The following CACNA1E variants were observed in gnomAD, a reference collection of about 807,000 sequenced individuals.
The protein encoded by CACNA1E is voltage-dependent R-type calcium channel subunit alpha-1E.
A neutral mutation model predicts 259.2 loss-of-function variants in CACNA1E; 40 were observed. The ratio of observed to expected loss-of-function variants is 0.15; its 90% CI spans 0.12 to 0.20. The LOEUF is 0.20. Ranked by LOEUF, CACNA1E falls within the 10% of genes least tolerant of loss-of-function variation. The pLI is 1.00. For missense variants in CACNA1E, 1,874 were observed against 3,040.1 expected (o/e 0.62, Z 9.02); for synonymous variants, 1,104 against 1,138.5 (o/e 0.97, Z 0.61).
At chr1:181,688,532 T>C (rs1650811943) in intron 7 of CACNA1E, among the ~76,000 whole-genome samples, 1 of 152,226 alleles carries the variant, frequency 6.6e-6, no homozygotes, top group Admixed American at 6.5e-5. Flanking sequence ...TTTTAAGTTA[T>C]AATTGACAAA....
intron 25 of CACNA1E, among the ~76,000 whole-genome samples, chr1:181,747,450 A>ATTTTT (rs60393528): frequency 1.6e-5 from 2 of 122,872 alleles, no homozygotes; most frequent in African/African-American, 6.4e-5. Flanking sequence ...AAAATCTGTC[A>ATTTTT]TTTTTTTTTT....
At chr1:181,498,754 G>A (rs1664996945) in intron 1 of CACNA1E, among the ~76,000 whole-genome samples, 1 of 152,180 alleles carries the variant, frequency 6.6e-6, no homozygotes, top group Non-Finnish European at 1.5e-5. Context: ...AGAACCCAGG[G>A]CCGCGACCAA....
At chr1:181,508,649 G>A (rs1389773546) in intron 1 of CACNA1E, among the ~76,000 whole-genome samples, 1 of 152,164 alleles carries the variant, frequency 6.6e-6, no homozygotes, top group Non-Finnish European at 1.5e-5. Flanking sequence ...CTCCTCCTGC[G>A]ATCAGTGGGC....
intron 2 of CACNA1E, among the ~76,000 whole-genome samples, chr1:181,419,246 T>C (rs1185263561): frequency 6.6e-6 from 1 of 152,250 alleles, no homozygotes; most frequent in Admixed American, 6.5e-5. Flanking sequence ...TAAAGATGCA[T>C]GAATGTCTTT....
intron 2 of CACNA1E, among the ~76,000 whole-genome samples, chr1:181,453,768 T>C (rs1452312399): frequency 6.6e-6 from 1 of 152,184 alleles, no homozygotes; most frequent in African/African-American, 2.4e-5. Context: ...TGGTTGATGA[T>C]AGAGAGCTGT....
chr1:181,389,478 A>G (rs1176342750), intron 1 of CACNA1E, among the ~76,000 whole-genome samples: 2 of 152,216 alleles, frequency 1.3e-5, no homozygotes, highest in Non-Finnish European at 2.9e-5. Context: ...AACGTTAGTG[A>G]CTAGACTAGT....
At chr1:181,704,535 C>T (rs1007491260) in intron 7 of CACNA1E, among the ~76,000 whole-genome samples, 1 of 152,164 alleles carries the variant, frequency 6.6e-6, no homozygotes, top group African/African-American at 2.4e-5. Context: ...CTCTCTGAAA[C>T]ATGGACTCTG....
intron 1 of CACNA1E, among the ~76,000 whole-genome samples, chr1:181,336,960 A>C: frequency 6.7e-6 from 1 of 149,530 alleles, no homozygotes; most frequent in African/African-American, 2.4e-5. Flanking sequence ...AATGCAAAGA[A>C]AATTAAAATA....
chr1:181,651,162 G>T (rs1658723657), intron 6 of CACNA1E, among the ~76,000 whole-genome samples, 176 bp from the exon 7 acceptor site: 1 of 152,168 alleles, frequency 6.6e-6, no homozygotes, highest in Non-Finnish European at 1.5e-5. Context: ...TCTTCATTAC[G>T]TACATGGGAG....
intron 6 of CACNA1E, among the ~76,000 whole-genome samples, chr1:181,605,981 A>T (rs575070263): frequency 6.6e-6 from 1 of 152,140 alleles, no homozygotes; most frequent in Admixed American, 6.5e-5. Context: ...TCTCAGTGGC[A>T]TTCAACACGG....
intron 38 of CACNA1E, among the ~76,000 whole-genome samples, chr1:181,780,884 C>T (rs1040903873): frequency 3.3e-5 from 5 of 152,198 alleles, no homozygotes; most frequent in African/African-American, 4.8e-5. Flanking sequence ...GGGGGATACA[C>T]GACGTTCTGC....
At chr1:181,463,465 T>C (rs890191787) in intron 2 of CACNA1E, among the ~76,000 whole-genome samples, 1 of 152,134 alleles carries the variant, frequency 6.6e-6, no homozygotes, top group Admixed American at 6.5e-5. Context: ...CTATATATCT[T>C]CAACATCACT....
Position 181,618,821 on chromosome 1 carries a change from A to G in CACNA1E, c.952-32517A>G, listed in dbSNP as rs530588792. Among the ~76,000 whole-genome samples the G allele has an allele frequency of 4.6e-5, 7 of 152,330 alleles. No homozygotes were observed. In the East Asian group the frequency reaches 9.6e-4, roughly 21 times the overall value. ...GTGCTCAATAAATATTTGCTGAGTA[A>G]ACACCAAATATATACCTACAGCTGC... On this transcript the variant is annotated intron_variant, in intron 6 of 47. Transcript: ENST00000367573.
chr1:181,399,430 T>C (rs1412308300), intron 1 of CACNA1E, among the ~76,000 whole-genome samples: 4 of 152,252 alleles, frequency 2.6e-5, no homozygotes, highest in African/African-American at 9.6e-5. Context: ...GTGAATGAAT[T>C]GTGTTTACTT....
chr1:181,682,229 A>G (rs1650045776), intron 7 of CACNA1E, among the ~76,000 whole-genome samples: 1 of 152,180 alleles, frequency 6.6e-6, no homozygotes, highest in Non-Finnish European at 1.5e-5. Context: ...GTGTGACCAT[A>G]GTTCAGTTGA....
At chr1:181,496,324 AC>A (rs1387936103) in intron 1 of CACNA1E, among the ~76,000 whole-genome samples, 2 of 152,196 alleles carry the variant, frequency 1.3e-5, no homozygotes, top group African/African-American at 4.8e-5. Context: ...ATGATCTATA[AC>A]CTTAACAGAC....
chr1:181,467,806 A>C (rs1221520102), intron 2 of CACNA1E, among the ~76,000 whole-genome samples: 1 of 152,252 alleles, frequency 6.6e-6, no homozygotes, highest in East Asian at 1.9e-4. Flanking sequence ...TAATTATTCT[A>C]CACCAGGAGT....
Position 181,645,077 on chromosome 1 carries a change from C to T in CACNA1E, c.952-6261C>T, listed in dbSNP as rs182312473. ...GCCACGTCCTTACTGGTGACAGCCG[C>T]GCAGGGAGGAAGGCAGGAGTAGGGT... On this transcript the variant is annotated intron_variant, in intron 6 of 47. Coordinates refer to ENST00000367573, the MANE Select transcript of CACNA1E (RefSeq NM_001205293.3). Among the ~76,000 whole-genome samples, 9 of 152,216 alleles carry T rather than the reference C, an allele frequency of 5.9e-5. No homozygotes were observed. The East Asian group carries it at 1.2e-3, about 20-fold the overall frequency.
At chr1:181,384,170 G>A (rs1655668268) in intron 1 of CACNA1E, among the ~76,000 whole-genome samples, 1 of 152,202 alleles carries the variant, frequency 6.6e-6, no homozygotes, top group Non-Finnish European at 1.5e-5. Flanking sequence ...AGAATCTCCT[G>A]TTTACCTGCA....
Sources: allele counts gnomAD v4.1 joint callset (sites outside exome capture counted in the v4.1 genomes callset), GRCh38; gene constraint gnomAD v4.1.1; transcripts MANE v1.5; gene names NCBI Gene and HGNC (gene_info 2026-07-23, HGNC 2026-07-21).